Variants in EOGT observed in about 807,000 individuals in gnomAD.
EOGT encodes EGF domain specific O-linked N-acetylglucosamine transferase.
In EOGT, 55 loss-of-function variants were observed where a neutral mutation model predicts 70.5. The observed-to-expected ratio is 0.78, with a 90% confidence interval of 0.63 to 0.98. The LOEUF (loss-of-function observed/expected upper bound fraction) is 0.98, where lower values mean the gene tolerates loss of function less well. Ranked by LOEUF, EOGT falls within the 50% of genes least tolerant of loss-of-function variation. The pLI is 0.00. For missense variants in EOGT, 703 were observed against 641.9 expected, an observed-to-expected ratio of 1.10 and a Z score of -1.03; for synonymous variants, 246 against 217.1, an observed-to-expected ratio of 1.13 and a Z score of -1.17.
chr3:68,987,579 C>T, intron 13 of EOGT, 66 bp from the exon 14 acceptor site: 1 of 1,190,586 alleles, frequency 8.4e-7, no homozygotes, highest in Middle Eastern at 1.9e-4. Flanking sequence ...AACATCTGAA[C>T]CCAAAATGTG....
chr3:69,011,789 G>A (rs1232795577), intron 3 of EOGT, 147 bp downstream of exon 3: 1 of 151,950 alleles, frequency 6.6e-6, no homozygotes, highest in Non-Finnish European at 1.5e-5. Flanking sequence ...TCAAGAGTAT[G>A]GTGTTATCTG....
intron 10 of EOGT, among the ~76,000 whole-genome samples, chr3:68,991,423 G>C (rs997726162): frequency 1.3e-5 from 2 of 152,216 alleles, no homozygotes; most frequent in Admixed American, 6.5e-5. Flanking sequence ...TGTGTTTATG[G>C]TCACATTTCA....
chr3:69,001,528 C>A, intron 9 of EOGT, 80 bp downstream of exon 9: 1 of 932,764 alleles, frequency 1.1e-6, no homozygotes, highest in Non-Finnish European at 1.6e-6. Flanking sequence ...CCAAAAAATT[C>A]AGAGAGAATT....
intron 15 of EOGT, among the ~76,000 whole-genome samples, chr3:68,980,710 C>A (rs919369519): frequency 6.6e-6 from 1 of 152,192 alleles, no homozygotes; most frequent in Admixed American, 6.5e-5. Context: ...TGTATCACAA[C>A]GAGAACATGT....
chr3:69,003,088 C>T lies in EOGT; in HGVS notation c.620+1290G>A, dbSNP rs115196445. 3.0e-3 allele frequency among the ~76,000 whole-genome samples: 463 copies of T among 152,154 alleles called. 4 individuals carry two copies. The highest frequency in any genetic ancestry group is 5.7e-3 in the African/African-American group (236 of 41,512). On this transcript the variant is annotated intron_variant, in intron 8 of 17. Transcript: ENST00000383701. ...AATTCTGCATCCTGATTGTGGTGGT[C>T]GCCCTCCCCGTCCTCCTCCCCCTCT...
chr3:68,992,224 T>C (rs566557939), intron 10 of EOGT, among the ~76,000 whole-genome samples: 1 of 152,226 alleles, frequency 6.6e-6, no homozygotes, highest in South Asian at 2.1e-4. Flanking sequence ...CAAAGTCTCA[T>C]CTGAGACAAG....
Position 68,977,554 on chromosome 3 carries a change from TTAATTC to T in EOGT, c.*58_*63del. ...GGAAATAACAGATTGCTTTACTGAT[TTAATTC>T]TAAGTCTGGGTGTTGGAGTGTTTAA... On this transcript the variant is annotated 3_prime_UTR_variant, in exon 18 of 18. Coordinates refer to ENST00000383701, the MANE Select transcript of EOGT (RefSeq NM_001278689.2). 1 of 1,545,550 alleles carries T rather than the reference TTAATTC, an allele frequency of 6.5e-7. No individual in the cohort carries two copies. The highest frequency in any genetic ancestry group is 8.9e-7 in the Non-Finnish European group (1 of 1,129,550).
chr3:68,998,325 A>G (rs567111128), intron 9 of EOGT, among the ~76,000 whole-genome samples: 1 of 152,368 alleles, frequency 6.6e-6, no homozygotes, highest in East Asian at 1.9e-4. Context: ...AAGTCACTCT[A>G]AAATTGGTTA....
intron 15 of EOGT, among the ~76,000 whole-genome samples, chr3:68,980,872 T>G (rs1386913088): frequency 3.3e-5 from 5 of 152,212 alleles, no homozygotes; most frequent in African/African-American, 1.2e-4. Flanking sequence ...TCCCGCAGAC[T>G]GGCAAGGTAC....
chr3:69,002,532 G>A (rs2091323946), intron 8 of EOGT, among the ~76,000 whole-genome samples: 1 of 151,988 alleles, frequency 6.6e-6, no homozygotes, highest in South Asian at 2.1e-4. Context: ...TAAGTGACTT[G>A]AGACATTGCA....
chr3:68,978,758 C>T (rs1173272590), intron 16 of EOGT, among the ~76,000 whole-genome samples: 3 of 152,252 alleles, frequency 2.0e-5, no homozygotes, highest in African/African-American at 4.8e-5. Flanking sequence ...GGATAGGTAA[C>T]ACTTCCAAGG....
rs146012150 is a variant in EOGT at position 69,000,190 on chromosome 3, T to C, written c.727+1418A>G. On this transcript the variant is annotated intron_variant, in intron 9 of 17. Coordinates refer to ENST00000383701, the MANE Select transcript of EOGT (RefSeq NM_001278689.2). Reference sequence around the variant, plus strand: ...GCAATGAGCTGTGATCATGCCACTGTACTCCAGCCTGGGCAACAGAGCAAG... The same window carrying C: ...GCAATGAGCTGTGATCATGCCACTGCACTCCAGCCTGGGCAACAGAGCAAG... 9.0e-4 allele frequency among the ~76,000 whole-genome samples: 137 copies of C among 152,222 alleles called. 1 individual carries two copies. The Middle Eastern group carries it at 0.01, about 11-fold the overall frequency.
intron 10 of EOGT, among the ~76,000 whole-genome samples, chr3:68,996,085 A>C (rs1254610264): frequency 6.6e-6 from 1 of 152,238 alleles, no homozygotes; most frequent in Non-Finnish European, 1.5e-5. Context: ...TACAAAAAGA[A>C]GAAAAGAAAG....
intron 9 of EOGT, among the ~76,000 whole-genome samples, chr3:68,998,881 T>C (rs1467530023): frequency 2.1e-5 from 3 of 144,780 alleles, no homozygotes; most frequent in Non-Finnish European, 3.0e-5. Context: ...TTAAGAAACA[T>C]CTGTTCATCA....
At chr3:68,985,217 C>T (rs371687276) in intron 14 of EOGT, among the ~76,000 whole-genome samples, 1 of 152,254 alleles carries the variant, frequency 6.6e-6, no homozygotes, top group East Asian at 1.9e-4. Flanking sequence ...CCCAACATTG[C>T]ACTATTTGAT....
rs1316660113 is a variant in EOGT, at chr3:68,975,516, TAAG to T, written c.*2099_*2101del. ...TTTTCACATGCTTCTTAAAATGAGG[TAAG>T]AAGACAAACGGTGAAACTTTTTTCA... On this transcript the variant is annotated 3_prime_UTR_variant, in exon 18 of 18. Transcript: ENST00000383701. 1 of 150,060 alleles carries T rather than the reference TAAG, an allele frequency of 6.7e-6. No individual in the cohort carries two copies. Among genetic ancestry groups the T allele is most frequent in the Admixed American group, 6.7e-5 (1 of 14,888 alleles). 9.3% of individuals were successfully genotyped at this position (150,060 alleles called of 1,614,324 possible).
rs539916138 is a variant in EOGT, at chr3:68,993,405, T to C, written c.832-4388A>G. Among the ~76,000 whole-genome samples, 557 of 152,294 alleles carry C rather than the reference T, an allele frequency of 3.7e-3. 1 individual carries two copies. Among genetic ancestry groups the C allele is most frequent in the African/African-American group, 0.013 (534 of 41,572 alleles). On this transcript the variant is annotated intron_variant, in intron 10 of 17. Transcript: ENST00000383701. Reference sequence around the variant, plus strand: ...TGCTGCCACTCTCTTTGCTAAAACATAACAAGAGTCACCTTTGCTCCAGTT... The same window carrying C: ...TGCTGCCACTCTCTTTGCTAAAACACAACAAGAGTCACCTTTGCTCCAGTT...
intron 10 of EOGT, among the ~76,000 whole-genome samples, chr3:68,989,316 C>T (rs777413871): frequency 1.3e-5 from 2 of 152,158 alleles, no homozygotes; most frequent in Non-Finnish European, 2.9e-5. Context: ...TTCCTGTGAA[C>T]ATCTTATCCA....
In EOGT at chr3:69,009,734, G is replaced by A. The variant is rs1235385932; in HGVS notation, c.113C>T (p.Ala38Val). ...SIPGEPLYNY[A>V]SIRLPEEHIP... ...GTGCTCCTCTGGCAAGCGGATGCTG[G>A]CATAGTTATACAGAGGTTCGCCTGG... Residue 38 changes from alanine (A) to valine (V), a missense_variant, in exon 4 of 18, where the codon GCC becomes GTC. Ala to Val is a moderately conservative substitution (Grantham distance 64). Coordinates refer to ENST00000383701, the MANE Select transcript of EOGT (RefSeq NM_001278689.2). 1.9e-6 allele frequency: 3 copies of A among 1,614,060 alleles called. No individual in the cohort carries two copies. The South Asian group carries it at 3.3e-5, about 18-fold the overall frequency.
Sources: gnomAD v4.1 joint callset for allele counts (sites outside exome capture counted in the v4.1 genomes callset) on GRCh38, gnomAD v4.1.1 for gene constraint, MANE v1.5 for transcripts, NCBI Gene and HGNC (gene_info 2026-07-23, HGNC 2026-07-21) for gene names.